CAST: variants seen among roughly 807,000 people sequenced by gnomAD.
The protein encoded by CAST is MIR583 host.
CAST carries 76 observed loss-of-function variants against 119.6 expected under a neutral mutation model. The ratio of observed to expected loss-of-function variants is 0.64; its 90% confidence interval spans 0.53 to 0.77. The LOEUF is 0.77. Ranked by LOEUF, CAST falls within the 30% of genes least tolerant of loss-of-function variation. The probability of loss-of-function intolerance (pLI) is 0.00; values close to 1 mark genes in which losing one functional copy is unlikely to be tolerated. For synonymous variants in CAST, 319 were observed against 331.6 expected (o/e 0.96, Z 0.41); for missense variants, 953 against 946.5 (o/e 1.01, Z -0.09).
intron 1 of CAST, among the ~76,000 whole-genome samples, chr5:96,572,959 T>G (rs956426149): frequency 2.0e-5 from 3 of 152,170 alleles, no homozygotes; most frequent in African/African-American, 7.2e-5. Context: ...ACAAGTGTGT[T>G]CACAACAAGA....
chr5:96,391,601 C>T, the CAST span: 3 of 152,108 alleles, frequency 2.0e-5, no homozygotes, highest in African/African-American at 7.2e-5. Context: ...TACACATTCG[C>T]TTAGTGTAGG....
chr5:96,025,271 C>A, the CAST span, among the ~76,000 whole-genome samples: 1 of 152,078 alleles, frequency 6.6e-6, no homozygotes, highest in African/African-American at 2.4e-5. Flanking sequence ...TTCTATGAAC[C>A]ACTTCCTGGT....
At chr5:96,217,944 T>C in the CAST span, among the ~76,000 whole-genome samples, 1 of 152,210 alleles carries the variant, frequency 6.6e-6, no homozygotes, top group East Asian at 1.9e-4. Flanking sequence ...ATGTACACTT[T>C]CTGTGTGTAT....
At chr5:96,185,279 T>A in the CAST span, among the ~76,000 whole-genome samples, 3 of 152,196 alleles carry the variant, frequency 2.0e-5, no homozygotes, top group Non-Finnish European at 2.9e-5. Context: ...TTGTAAAAAT[T>A]TTGTCTTATT....
chr5:96,720,111 C>T (rs1371645651), intron 3 of CAST, among the ~76,000 whole-genome samples: 1 of 152,176 alleles, frequency 6.6e-6, no homozygotes, highest in East Asian at 1.9e-4. Context: ...TCTGTGTCCC[C>T]AGCACCTGAC....
At chr5:95,996,351 T>A in the CAST span, among the ~76,000 whole-genome samples, 1 of 152,188 alleles carries the variant, frequency 6.6e-6, no homozygotes, top group Admixed American at 6.5e-5. Context: ...TGCAAGGCCA[T>A]CTCAAGTGTT....
intron 1 of CAST, among the ~76,000 whole-genome samples, chr5:96,623,070 T>C (rs1055268644): frequency 6.6e-6 from 1 of 151,934 alleles, no homozygotes; most frequent in African/African-American, 2.4e-5. Context: ...CACCATATAT[T>C]GGCCAGGCTG....
chr5:96,730,324 G>A (rs942638343), intron 8 of CAST, among the ~76,000 whole-genome samples: 3 of 152,140 alleles, frequency 2.0e-5, no homozygotes, highest in African/African-American at 7.2e-5. Context: ...ACAGATTTGT[G>A]ATCTACCACT....
Position 96,566,923 on chromosome 5 carries a change from GT to G in CAST, c.60+37047del, listed in dbSNP as rs143625498. Among the ~76,000 whole-genome samples the G allele has an allele frequency of 5.0e-3, 764 of 152,266 alleles. 9 individuals are homozygous for G. The highest frequency in any genetic ancestry group is 0.018 in the African/African-American group (728 of 41,556). On this transcript the variant is annotated intron_variant, in intron 1 of 11. Coordinates refer to the CAST transcript ENST00000505143. ...TTATGTTTTAGTTTCGTTTTGCTTT[GT>G]TTTGTTTCAAATGTACTTGTTTGCA...
chr5:96,513,117 C>CGGCTGCTA, the CAST span, among the ~76,000 whole-genome samples: 113 of 152,280 alleles, frequency 7.4e-4, 1 homozygote, highest in African/African-American at 2.6e-3. Context: ...ATCACTCATT[C>CGGCTGCTA]GGCTGCTAAT....
At chr5:96,231,748 A>T in the CAST span, among the ~76,000 whole-genome samples, 1 of 152,144 alleles carries the variant, frequency 6.6e-6, no homozygotes, top group African/African-American at 2.4e-5. Flanking sequence ...TTGTGGAACA[A>T]CAATTATTAC....
intron 1 of CAST, among the ~76,000 whole-genome samples, chr5:96,612,549 A>G (rs1747383310): frequency 6.6e-6 from 1 of 152,188 alleles, no homozygotes; most frequent in Non-Finnish European, 1.5e-5. Flanking sequence ...TCCACGTAAC[A>G]AACCTGCATA....
the CAST span, among the ~76,000 whole-genome samples, chr5:96,034,704 CTCT>C: frequency 6.6e-6 from 1 of 151,634 alleles, no homozygotes; most frequent in East Asian, 1.9e-4. Flanking sequence ...TACAATAGAT[CTCT>C]TCAACATATT....
the CAST span, among the ~76,000 whole-genome samples, chr5:96,157,610 C>G: frequency 6.6e-5 from 10 of 152,152 alleles, no homozygotes; most frequent in South Asian, 4.1e-4. Context: ...ACATTAGAAT[C>G]GTGAAACTGT....
chr5:96,005,565 G>A, the CAST span, among the ~76,000 whole-genome samples: 2 of 152,126 alleles, frequency 1.3e-5, no homozygotes, highest in African/African-American at 4.8e-5. Context: ...GAAAAATGCA[G>A]CAAAGACTGA....
chr5:96,567,178 A>G (rs1457055422), intron 1 of CAST, among the ~76,000 whole-genome samples: 2 of 152,196 alleles, frequency 1.3e-5, no homozygotes, highest in Non-Finnish European at 2.9e-5. Context: ...AAATTTTCTT[A>G]GTCTAAGTAA....
chr5:96,682,237 CA>C (rs1223987190), intron 2 of CAST, among the ~76,000 whole-genome samples: 1 of 152,200 alleles, frequency 6.6e-6, no homozygotes, highest in African/African-American at 2.4e-5. Context: ...TCATCTGCCT[CA>C]CAATTTTCTT....
the CAST span, among the ~76,000 whole-genome samples, chr5:96,323,968 C>T: frequency 2.0e-5 from 3 of 152,098 alleles, no homozygotes; most frequent in African/African-American, 7.2e-5. Context: ...TTCTTCTTTC[C>T]TTCTCCCTGC....
chr5:96,698,782 G>A (rs141153881), intron 3 of CAST, among the ~76,000 whole-genome samples: 226 of 152,300 alleles, frequency 1.5e-3, no homozygotes, highest in African/African-American at 5.2e-3. Context: ...AGAATTGGAA[G>A]TGAGAACTAG....
Sources: allele counts gnomAD v4.1 joint callset (sites outside exome capture counted in the v4.1 genomes callset), GRCh38; gene constraint gnomAD v4.1.1; transcripts MANE v1.5; gene names NCBI Gene and HGNC (gene_info 2026-07-23, HGNC 2026-07-21).